The following GORASP2 variants were observed in gnomAD, a reference collection of about 807,000 sequenced individuals.
GORASP2 encodes the protein golgi reassembly stacking protein 2.
A neutral mutation model predicts 45.7 loss-of-function variants in GORASP2; 22 were observed. That is an observed-to-expected ratio of 0.48 (90% confidence interval 0.34 to 0.69). GORASP2 has a LOEUF of 0.69. GORASP2 is among the 30% of genes least tolerant of loss of function. The pLI is 0.01. For missense variants in GORASP2, 491 were observed against 562.7 expected (o/e 0.87, Z 1.29); for synonymous variants, 221 against 215.6 (o/e 1.02, Z -0.22).
chr2:170,940,903 A>G (rs1230233076), intron 1 of GORASP2, among the ~76,000 whole-genome samples: 2 of 152,088 alleles, frequency 1.3e-5, no homozygotes, highest in East Asian at 3.8e-4. Context: ...GAAATCATCC[A>G]CTGTAGTTGA....
intron 1 of GORASP2, among the ~76,000 whole-genome samples, chr2:170,944,039 ATAAATGT>A (rs1221040064): frequency 6.6e-6 from 1 of 152,182 alleles, no homozygotes; most frequent in South Asian, 2.1e-4. Flanking sequence ...TGGCCCAGTA[ATAAATGT>A]TAAATGGTCT....
upstream of GORASP2, chr2:170,929,251 C>T (rs1287341524): frequency 1.9e-5 from 20 of 1,055,506 alleles, no homozygotes; most frequent in East Asian, 6.5e-5. Context: ...GTGCCACGTC[C>T]CAAGTGCTAC....
At chr2:170,962,811 C>T (rs1207751520) in intron 8 of GORASP2, 28 bp from the exon 9 acceptor site, 3 of 1,471,876 alleles carry the variant, frequency 2.0e-6, no homozygotes, top group Non-Finnish European at 2.9e-6. Flanking sequence ...AGTGATTTCT[C>T]TTTTTTTCTT....
At chr2:170,940,644 T>TC (rs1395009696) in intron 1 of GORASP2, among the ~76,000 whole-genome samples, 1 of 151,180 alleles carries the variant, frequency 6.6e-6, no homozygotes, top group African/African-American at 2.4e-5. Flanking sequence ...TGAATTGCTT[T>TC]TTTTTTTTTT....
chr2:170,965,881 G>C lies in GORASP2; in HGVS notation c.1110G>C (p.Leu370Phe). 2 of 1,613,916 alleles carry C rather than the reference G, an allele frequency of 1.2e-6. No homozygotes were observed. Among genetic ancestry groups the C allele is most frequent in the South Asian group, 1.1e-5 (1 of 91,074 alleles). ...CCGAGTTCCTCCCGTCATTCCCCTT[G>C]GTTCCAGAGAGCTCTTCTGCAGCAA... is the stretch of plus-strand genomic sequence containing the variant. ...LPSEFLPSFP[L>F]VPESSSAASS... Residue 370 changes from leucine (L) to phenylalanine (F), a missense_variant, in exon 10 of 10, where the codon TTG (leucine) becomes TTC (phenylalanine). Physicochemically the swap from Leu to Phe is conservative, Grantham distance 22. Coordinates refer to ENST00000234160, the MANE Select transcript of GORASP2 (RefSeq NM_015530.5).
Position 170,965,818 on chromosome 2 carries a change from C to G in GORASP2, c.1047C>G (p.Pro349=). ...TGCCACCTCTTCCTTCCATGCCTCC[C>G]CGAAACTTACCTGGCATTGCACCTC... ...PGLPPLPSMP[P]RNLPGIAPLP... The change falls in exon 10 of 10, where the codon CCC becomes CCG. Residue 349 remains proline, a synonymous_variant. Transcript: ENST00000234160. The G allele has an allele frequency of 5.6e-6, 9 of 1,614,058 alleles. No individual in the cohort carries two copies. The highest frequency in any genetic ancestry group is 7.6e-6 in the Non-Finnish European group (9 of 1,180,004).
In GORASP2 at chr2:170,965,987, G is replaced by T; in HGVS notation, c.1216G>T (p.Ala406Ser). ...DPATTTAKADAASSLTVDVTP... is the reference protein window; with the variant it reads ...DPATTTAKADSASSLTVDVTP... The stretch of plus-strand genomic sequence containing the variant: ...TGCCACAACTACTGCAAAGGCAGAC[G>T]CTGCCTCCTCACTCACTGTGGATGT... Residue 406 changes from alanine (A) to serine (S), a missense_variant, in exon 10 of 10, where the codon GCT becomes TCT. Physicochemically the swap from Ala to Ser is moderately conservative, Grantham distance 99. Transcript: ENST00000234160. The T allele has an allele frequency of 6.2e-7, 1 of 1,613,752 alleles. No homozygotes were observed. Among genetic ancestry groups the T allele is most frequent in the Non-Finnish European group, 8.5e-7 (1 of 1,179,756 alleles).
intron 1 of GORASP2, among the ~76,000 whole-genome samples, chr2:170,946,562 C>T (rs1207621551): frequency 1.3e-5 from 2 of 151,994 alleles, no homozygotes; most frequent in Non-Finnish European, 2.9e-5. Context: ...TAAAAGTAAT[C>T]TCACTCTTTC....
chr2:170,936,761 T>C (rs1703967904), intron 1 of GORASP2: 1 of 594,072 alleles, frequency 1.7e-6, no homozygotes, highest in South Asian at 1.5e-5. Context: ...AAGACCACGC[T>C]GGGCAACATA....
intron 1 of GORASP2, among the ~76,000 whole-genome samples, chr2:170,933,917 T>A (rs189973890): frequency 6.6e-6 from 1 of 152,368 alleles, no homozygotes; most frequent in Non-Finnish European, 1.5e-5. Flanking sequence ...TCTTCTGAGC[T>A]ATTTGCTGCA....
chr2:170,951,585 G>A, intron 5 of GORASP2, 127 bp downstream of exon 5: 2 of 758,988 alleles, frequency 2.6e-6, no homozygotes, highest in Non-Finnish European at 4.1e-6. Flanking sequence ...AAAAAAAAGG[G>A]AAGAGCTAGT....
chr2:170,931,311 A>C (rs1430470493), intron 1 of GORASP2, among the ~76,000 whole-genome samples: 2 of 152,202 alleles, frequency 1.3e-5, no homozygotes, highest in Non-Finnish European at 2.9e-5. Flanking sequence ...TGCCTTCCTA[A>C]GACCCTCTGC....
intron 1 of GORASP2, among the ~76,000 whole-genome samples, chr2:170,941,619 T>C (rs150839319): frequency 6.6e-6 from 1 of 152,210 alleles, no homozygotes; most frequent in Non-Finnish European, 1.5e-5. Flanking sequence ...AGGGGAACCA[T>C]GTGCTAGGTA....
rs1704162349 is a variant in GORASP2 at position 170,945,496 on chromosome 2, T to C, written c.64-2854T>C. On this transcript the variant is annotated intron_variant, in intron 1 of 9. Transcript: ENST00000234160. ...CAGCCTGAGTGACAGAGTGGGACCT[T>C]GTCTCAAAAAAAAAAAAAAGAAGAA... 3.7e-5 allele frequency among the ~76,000 whole-genome samples: 4 copies of C among 107,988 alleles called. No homozygotes were observed. The South Asian group carries it at 1.9e-3, about 52-fold the overall frequency. 70.8% of individuals were successfully genotyped at this position (107,988 alleles called of 152,430 possible). A position where few individuals can be genotyped will look rare whatever the true frequency, so the allele number is the denominator to read the frequency against.
At chr2:170,941,907 A>G (rs867903078) in intron 1 of GORASP2, among the ~76,000 whole-genome samples, 3 of 152,166 alleles carry the variant, frequency 2.0e-5, no homozygotes, top group Admixed American at 6.5e-5. Context: ...AAAGGTGTGC[A>G]TATTTTCAAT....
rs1704254589 is a variant in GORASP2 at position 170,949,665 on chromosome 2, G to A, written c.271G>A (p.Gly91Ser). 1.2e-6 allele frequency: 2 copies of A among 1,614,134 alleles called. No homozygotes were observed. Among genetic ancestry groups the A allele is most frequent in the East Asian group, 2.2e-5 (1 of 44,892 alleles). The change falls in exon 3 of 10, where the codon GGC (glycine) becomes AGC (serine). Residue 91 changes from glycine (G) to serine (S), a missense_variant. This residue lies in a region of GORASP2 where 194 missense variants were observed against 270.4 expected (regional missense o/e 0.72). Transcript: ENST00000234160. ...ETSVTPSNLW[G>S]GQGLLGVSIR... ...CTCAGTCACACCAAGTAACCTGTGG[G>A]GCGGCCAGGGCTTATTGGGAGTGAG...
chr2:170,964,274 G>A (rs558959976), intron 9 of GORASP2, among the ~76,000 whole-genome samples: 1 of 152,314 alleles, frequency 6.6e-6, no homozygotes, highest in East Asian at 1.9e-4. Flanking sequence ...TCTTGTTTCT[G>A]TCTAGATGAT....
rs181942197 is a variant in GORASP2, at chr2:170,948,340, G to A, written c.64-10G>A. On this transcript the variant is annotated splice_polypyrimidine_tract_variant and intron_variant, in intron 1 of 9. Coordinates refer to ENST00000234160, the MANE Select transcript of GORASP2 (RefSeq NM_015530.5). ...TACATTTTTTATTTTTGTCGTTTTT[G>A]TTTCCGCAGGTACAAGAAAATTCCC... The A allele has an allele frequency of 4.6e-6, 7 of 1,536,766 alleles. No homozygotes were observed. The African/African-American group carries it at 9.6e-5, about 21-fold the overall frequency.
In GORASP2 at chr2:170,965,992, C is replaced by G; in HGVS notation, c.1221C>G (p.Ala407=). The G allele has an allele frequency of 6.2e-7, 1 of 1,613,902 alleles. No individual in the cohort carries two copies. The highest frequency in any genetic ancestry group is 1.7e-5 in the Admixed American group (1 of 60,018). Residue 407 remains alanine, a synonymous_variant, in exon 10 of 10, where the codon GCC becomes GCG. Transcript: ENST00000234160. The part of the protein sequence containing the change: ...PATTTAKADA[A]SSLTVDVTPP... ...CAACTACTGCAAAGGCAGACGCTGCCTCCTCACTCACTGTGGATGTGACGC... is the reference window on the plus strand; with the variant it reads ...CAACTACTGCAAAGGCAGACGCTGCGTCCTCACTCACTGTGGATGTGACGC...
Sources: allele counts gnomAD v4.1 joint callset (sites outside exome capture counted in the v4.1 genomes callset), GRCh38; gene constraint gnomAD v4.1.1; regional missense constraint gnomAD v4.1.1; transcripts MANE v1.5; gene names NCBI Gene and HGNC (gene_info 2026-07-23, HGNC 2026-07-21).